ARHGAP24: variants seen among roughly 807,000 people sequenced by gnomAD.
The protein encoded by ARHGAP24 is Rho GTPase activating protein 24.
Under a neutral mutation model 76.4 loss-of-function variants are expected in ARHGAP24, and 50 were observed. The ratio of observed to expected loss-of-function variants is 0.65; its 90% CI spans 0.52 to 0.83. The LOEUF is 0.83. ARHGAP24 is among the 40% of genes least tolerant of loss of function. The pLI, the probability that ARHGAP24 is intolerant of heterozygous loss-of-function variation, is 0.00. For synonymous variants in ARHGAP24, 345 were observed against 323.3 expected (o/e 1.07, Z -0.72); for missense variants, 930 against 914.2 (o/e 1.02, Z -0.22).
At chr4:85,716,280 T>C (rs1472024855) in intron 2 of ARHGAP24, among the ~76,000 whole-genome samples, 2 of 152,124 alleles carry the variant, frequency 1.3e-5, no homozygotes, top group Non-Finnish European at 2.9e-5. Flanking sequence ...TTAATAGTAA[T>C]TTTAGCTGAC....
At chr4:85,674,835 G>T (rs1179453649) in intron 2 of ARHGAP24, among the ~76,000 whole-genome samples, 10 of 152,166 alleles carry the variant, frequency 6.6e-5, no homozygotes, top group Admixed American at 6.5e-4. Context: ...TCTGCCTGAG[G>T]TAAACTTTTT....
chr4:85,750,223 A>G (rs528622326), intron 3 of ARHGAP24, among the ~76,000 whole-genome samples: 37 of 152,304 alleles, frequency 2.4e-4, no homozygotes, highest in African/African-American at 8.7e-4. Context: ...TTCTTTAAGT[A>G]AAATAAATCA....
intron 3 of ARHGAP24, among the ~76,000 whole-genome samples, chr4:85,815,179 A>G (rs1289068066): frequency 6.6e-6 from 1 of 152,146 alleles, no homozygotes; most frequent in African/African-American, 2.4e-5. Flanking sequence ...CAGGACTGTG[A>G]TGGGAGGGGC....
intron 1 of ARHGAP24, among the ~76,000 whole-genome samples, chr4:85,501,228 G>A (rs529361714): frequency 6.6e-6 from 1 of 152,204 alleles, no homozygotes; most frequent in South Asian, 2.1e-4. Context: ...ATAATCCTTT[G>A]GGTATACACC....
intron 8 of ARHGAP24, among the ~76,000 whole-genome samples, chr4:85,980,650 T>C (rs921089499): frequency 1.3e-5 from 2 of 152,248 alleles, no homozygotes; most frequent in Non-Finnish European, 2.9e-5. Context: ...TCTTTGGAGA[T>C]ATGTATGTAA....
chr4:85,885,879 A>C (rs144623510), intron 3 of ARHGAP24, among the ~76,000 whole-genome samples: 1 of 152,134 alleles, frequency 6.6e-6, no homozygotes, highest in African/African-American at 2.4e-5. Flanking sequence ...TTTTATAACT[A>C]TGAGAGCAAA....
At chr4:85,666,757 C>A (rs1047633278) in intron 2 of ARHGAP24, among the ~76,000 whole-genome samples, 1 of 152,178 alleles carries the variant, frequency 6.6e-6, no homozygotes, top group African/African-American at 2.4e-5. Context: ...TGCTAGAGGT[C>A]CACTCCAGAC....
At chr4:85,683,125 G>GGGGGGGGGGGGGGGGT (rs1553922590) in intron 2 of ARHGAP24, among the ~76,000 whole-genome samples, 1 of 107,658 alleles carries the variant, frequency 9.3e-6, no homozygotes, top group Non-Finnish European at 1.9e-5. Flanking sequence ...GGTGGGGGGG[G>GGGGGGGGGGGGGGGGT]GGTGCGGGGG....
At chr4:85,508,545 A>T (rs1724150843) in intron 1 of ARHGAP24, among the ~76,000 whole-genome samples, 1 of 152,216 alleles carries the variant, frequency 6.6e-6, no homozygotes, top group Admixed American at 6.5e-5. Context: ...GAAACACAAT[A>T]CAGATCTTAA....
chr4:85,581,526 A>G (rs1727609296), intron 2 of ARHGAP24, among the ~76,000 whole-genome samples: 1 of 152,178 alleles, frequency 6.6e-6, no homozygotes, highest in African/African-American at 2.4e-5. Flanking sequence ...GAGCTCACTG[A>G]CTTAGACATG....
At chr4:85,749,584 T>G (rs188461944) in intron 3 of ARHGAP24, among the ~76,000 whole-genome samples, 23 of 152,290 alleles carry the variant, frequency 1.5e-4, no homozygotes, top group Non-Finnish European at 2.6e-4. Context: ...TTTGTTTTGT[T>G]TTTTGAGATG....
At chr4:85,667,679 T>C (rs1023523133) in intron 2 of ARHGAP24, among the ~76,000 whole-genome samples, 1 of 152,236 alleles carries the variant, frequency 6.6e-6, no homozygotes, top group African/African-American at 2.4e-5. Flanking sequence ...TGTTCTTCCC[T>C]AATGTTCATA....
intron 2 of ARHGAP24, among the ~76,000 whole-genome samples, chr4:85,586,453 A>C (rs181027188): frequency 6.6e-6 from 1 of 152,334 alleles, no homozygotes; most frequent in Non-Finnish European, 1.5e-5. Flanking sequence ...TCAGATATTC[A>C]ATCATAATAC....
chr4:85,770,344 A>G (rs1022126452), intron 3 of ARHGAP24, among the ~76,000 whole-genome samples: 3 of 152,234 alleles, frequency 2.0e-5, no homozygotes, highest in South Asian at 2.1e-4. Context: ...TCAGCATAGT[A>G]TGGTATCACA....
intron 4 of ARHGAP24, among the ~76,000 whole-genome samples, chr4:85,932,027 G>A (rs1736364065): frequency 6.6e-6 from 1 of 152,056 alleles, no homozygotes; most frequent in African/African-American, 2.4e-5. Flanking sequence ...ACAAAATACA[G>A]TGGGAACTTT....
chr4:85,826,887 TAA>T (rs1411387384), intron 3 of ARHGAP24, among the ~76,000 whole-genome samples: 7 of 152,338 alleles, frequency 4.6e-5, no homozygotes, highest in South Asian at 4.1e-4. Flanking sequence ...AAAATTCAGT[TAA>T]GTCATTATTT....
intron 3 of ARHGAP24, among the ~76,000 whole-genome samples, chr4:85,740,047 T>C (rs1239380641): frequency 6.6e-6 from 1 of 152,208 alleles, no homozygotes; most frequent in Non-Finnish European, 1.5e-5. Context: ...CGATGGCCTT[T>C]CACACATGCT....
chr4:85,829,769 G>A (rs894483253), intron 3 of ARHGAP24, among the ~76,000 whole-genome samples: 1 of 152,192 alleles, frequency 6.6e-6, no homozygotes, highest in African/African-American at 2.4e-5. Context: ...ATCCCTCTGT[G>A]AGGACTACAG....
intron 3 of ARHGAP24, among the ~76,000 whole-genome samples, chr4:85,799,614 C>A (rs983911576): frequency 6.6e-6 from 1 of 152,160 alleles, no homozygotes; most frequent in African/African-American, 2.4e-5. Context: ...GAAAATCTAT[C>A]TATGAATGCT....
Sources: gnomAD v4.1 joint callset for allele counts (sites outside exome capture counted in the v4.1 genomes callset) on GRCh38, gnomAD v4.1.1 for gene constraint, MANE v1.5 for transcripts, NCBI Gene and HGNC (gene_info 2026-07-23, HGNC 2026-07-21) for gene names.